B4GALT1: variants seen among roughly 807,000 people sequenced by gnomAD.
B4GALT1 encodes N-acetyllactosamine synthase.
In B4GALT1, 16 loss-of-function variants were observed where a neutral mutation model predicts 34.9. That is an observed-to-expected ratio of 0.46 (90% CI 0.31 to 0.70). B4GALT1 has a LOEUF of 0.70. Among genes scored for constraint, B4GALT1 ranks in the 30% least tolerant of loss-of-function variants. B4GALT1 has a pLI of 0.05. For missense variants in B4GALT1, 445 were observed against 530.5 expected, an observed-to-expected ratio of 0.84 and a Z score of 1.58; for synonymous variants, 221 against 218.1, an observed-to-expected ratio of 1.01 and a Z score of -0.12.
intron 2 of B4GALT1, among the ~76,000 whole-genome samples, chr9:33,130,828 G>C (rs1438591642): frequency 6.6e-6 from 1 of 152,090 alleles, no homozygotes; most frequent in African/African-American, 2.4e-5. Flanking sequence ...TGCGGGCCCT[G>C]AGTGGGGGTG....
At chr9:33,166,666 G>A (rs1840759603) in intron 1 of B4GALT1, 92 bp downstream of exon 1, 2 of 1,329,934 alleles carry the variant, frequency 1.5e-6, no homozygotes, top group Non-Finnish European at 2.0e-6. Context: ...GGCTGTCGTA[G>A]AAGAGCCAGC....
chr9:33,120,848 G>A (rs1234722610), intron 2 of B4GALT1, among the ~76,000 whole-genome samples: 2 of 152,178 alleles, frequency 1.3e-5, no homozygotes, highest in Non-Finnish European at 2.9e-5. Context: ...CATTGTCACT[G>A]TGGAATGTTC....
chr9:33,150,677 A>G (rs1840503867), intron 1 of B4GALT1, among the ~76,000 whole-genome samples: 1 of 152,188 alleles, frequency 6.6e-6, no homozygotes, highest in South Asian at 2.1e-4. Context: ...AAAAATATGT[A>G]TGTGTTAAAA....
intron 1 of B4GALT1, among the ~76,000 whole-genome samples, chr9:33,148,467 C>T (rs546344740): frequency 3.9e-5 from 6 of 152,238 alleles, no homozygotes; most frequent in African/African-American, 1.4e-4. Context: ...CACACGTTGC[C>T]CATAAAGGAA....
chr9:33,155,201 G>A (rs1840578862), intron 1 of B4GALT1, among the ~76,000 whole-genome samples: 1 of 152,142 alleles, frequency 6.6e-6, no homozygotes. Flanking sequence ...CCCAGAGAGA[G>A]AACATGATTT....
At chr9:33,149,486 T>C (rs1014374167) in intron 1 of B4GALT1, among the ~76,000 whole-genome samples, 10 of 152,150 alleles carry the variant, frequency 6.6e-5, no homozygotes, top group African/African-American at 2.4e-4. Flanking sequence ...CACCATGTTA[T>C]GTTGGCTAGG....
downstream of B4GALT1, chr9:33,108,885 G>A (rs375456079): frequency 7.0e-6 from 1 of 143,302 alleles, no homozygotes; most frequent in African/African-American, 2.5e-5. Flanking sequence ...AGCAATAGGA[G>A]AATTTTTTGT....
intron 1 of B4GALT1, among the ~76,000 whole-genome samples, chr9:33,147,778 A>C (rs563169322): frequency 2.4e-4 from 37 of 152,334 alleles, no homozygotes; most frequent in African/African-American, 8.9e-4. Context: ...GTGAACATAT[A>C]TATAATAGAT....
rs75866582 is a variant in B4GALT1 at position 33,152,810 on chromosome 9, G to GT, written c.412+13947dup. ...AATCACTTGAACCTGGGAGGCGGTG[G>GT]TTGCAGTGAGCCAAGATCGGACAAC... On this transcript the variant is annotated intron_variant, in intron 1 of 5. Coordinates refer to ENST00000379731, the MANE Select transcript of B4GALT1 (RefSeq NM_001497.4). Among the ~76,000 whole-genome samples the GT allele has an allele frequency of 2.8e-4, 43 of 152,256 alleles. No homozygotes were observed. The East Asian group carries it at 8.3e-3, about 29-fold the overall frequency.
At chr9:33,172,068 C>T (rs1287968993), upstream of B4GALT1, among the ~76,000 whole-genome samples, 1 of 152,220 alleles carries the variant, frequency 6.6e-6, no homozygotes, top group Non-Finnish European at 1.5e-5. Context: ...AGCGCAAAAG[C>T]ACTCACTGCC....
At chr9:33,183,315 C>T in the B4GALT1 span, among the ~76,000 whole-genome samples, 1 of 151,500 alleles carries the variant, frequency 6.6e-6, no homozygotes, top group Non-Finnish European at 1.5e-5. Context: ...AATCATGCTG[C>T]TATAAAGACA....
chr9:33,114,689 G>C (rs1337666343), intron 4 of B4GALT1, among the ~76,000 whole-genome samples: 1 of 152,210 alleles, frequency 6.6e-6, no homozygotes, highest in African/African-American at 2.4e-5. Flanking sequence ...AAAGGAATGA[G>C]GACCAAAATG....
intron 2 of B4GALT1, 133 bp downstream of exon 2, chr9:33,135,056 G>A (rs1840246300): frequency 2.2e-6 from 2 of 901,722 alleles, no homozygotes; most frequent in African/African-American, 1.6e-5. Context: ...GTGGTGGCTG[G>A]GGGGCTGGTT....
intron 2 of B4GALT1, among the ~76,000 whole-genome samples, chr9:33,127,185 G>C (rs112302957): frequency 0.014 from 2,182 of 152,128 alleles, 63 homozygotes; most frequent in African/African-American, 0.051. Flanking sequence ...GGATGGTCTC[G>C]ATCTCCTGAC....
downstream of B4GALT1, among the ~76,000 whole-genome samples, chr9:33,107,332 C>T (rs1839805184): frequency 6.6e-6 from 1 of 152,150 alleles, no homozygotes; most frequent in East Asian, 1.9e-4. Flanking sequence ...ATCCCACCTC[C>T]TGGAAGAAAC....
chr9:33,171,203 GGCA>G (rs1286781056), upstream of B4GALT1, among the ~76,000 whole-genome samples: 1 of 152,190 alleles, frequency 6.6e-6, no homozygotes, highest in African/African-American at 2.4e-5. Context: ...CAGTTGGCTG[GGCA>G]GCTTTGCCTC....
upstream of B4GALT1, among the ~76,000 whole-genome samples, chr9:33,172,215 T>C (rs951896731): frequency 1.3e-5 from 2 of 152,098 alleles, no homozygotes; most frequent in Non-Finnish European, 2.9e-5. Context: ...CTGGGCTGGC[T>C]CAAGTCTCCC....
chr9:33,117,529 C>T (rs1481074950), intron 3 of B4GALT1, among the ~76,000 whole-genome samples: 1 of 152,200 alleles, frequency 6.6e-6, no homozygotes, highest in Non-Finnish European at 1.5e-5. Context: ...CTGAGTGCAG[C>T]TCCAAACCAC....
At chr9:33,107,395 G>A (rs1408612076), downstream of B4GALT1, among the ~76,000 whole-genome samples, 1 of 152,160 alleles carries the variant, frequency 6.6e-6, no homozygotes, top group African/African-American at 2.4e-5. Context: ...TTCAGAATGT[G>A]GTCAATGTGA....
Sources: gnomAD v4.1 joint callset for allele counts (sites outside exome capture counted in the v4.1 genomes callset) on GRCh38, gnomAD v4.1.1 for gene constraint, MANE v1.5 for transcripts, NCBI Gene and HGNC (gene_info 2026-07-23, HGNC 2026-07-21) for gene names.